Variants in PTPRG observed in about 807,000 individuals in gnomAD.
PTPRG encodes receptor-type tyrosine-protein phosphatase gamma.
Under a neutral mutation model 165.3 loss-of-function variants are expected in PTPRG, and 102 were observed. The observed-to-expected ratio is 0.62, with a 90% confidence interval of 0.53 to 0.73. PTPRG has a LOEUF of 0.73. Among genes scored for constraint, PTPRG ranks in the 30% least tolerant of loss-of-function variants. The probability of loss-of-function intolerance (pLI) is 0.00; values close to 1 mark genes in which losing one functional copy is unlikely to be tolerated. For missense variants in PTPRG, 1,866 were observed against 1,861.4 expected, an observed-to-expected ratio of 1.00 and a Z score of -0.05; for synonymous variants, 675 against 669.5, an observed-to-expected ratio of 1.01 and a Z score of -0.13.
At chr3:62,026,260 C>G (rs2041801105) in intron 4 of PTPRG, among the ~76,000 whole-genome samples, 1 of 152,206 alleles carries the variant, frequency 6.6e-6, no homozygotes, top group Non-Finnish European at 1.5e-5. Flanking sequence ...TTACAGAGGT[C>G]TTAGAAACTT....
intron 4 of PTPRG, among the ~76,000 whole-genome samples, chr3:62,009,182 A>G (rs1246112936): frequency 6.6e-6 from 1 of 152,320 alleles, no homozygotes; most frequent in Admixed American, 6.5e-5. Flanking sequence ...TATGGGTCTC[A>G]TGCCTATTGA....
chr3:61,924,543 C>T (rs189638834), intron 2 of PTPRG, among the ~76,000 whole-genome samples: 253 of 152,308 alleles, frequency 1.7e-3, no homozygotes, highest in Non-Finnish European at 2.5e-3. Context: ...TCAGCATCTC[C>T]CACGTGCTGT....
chr3:62,221,800 G>T (rs1051421973), intron 13 of PTPRG, among the ~76,000 whole-genome samples: 1 of 152,186 alleles, frequency 6.6e-6, no homozygotes, highest in Non-Finnish European at 1.5e-5. Context: ...TGATTTTTGA[G>T]TGTGTTTTCT....
chr3:61,581,812 G>A (rs979315357), intron 1 of PTPRG, among the ~76,000 whole-genome samples: 6 of 151,840 alleles, frequency 4.0e-5, no homozygotes, highest in Non-Finnish European at 8.8e-5. Flanking sequence ...ATTCCACCAC[G>A]TTGGCCAGGC....
chr3:61,886,843 T>C (rs1190988349), intron 2 of PTPRG, among the ~76,000 whole-genome samples: 2 of 152,060 alleles, frequency 1.3e-5, no homozygotes, highest in African/African-American at 4.8e-5. Flanking sequence ...TGATTACATG[T>C]TTGCTTCATA....
intron 5 of PTPRG, among the ~76,000 whole-genome samples, chr3:62,102,327 T>G (rs1040330310): frequency 6.6e-6 from 1 of 152,134 alleles, no homozygotes; most frequent in African/African-American, 2.4e-5. Context: ...CAGGCTGGAG[T>G]GCAGTGGCGC....
At chr3:61,572,573 C>T (rs1233043327) in intron 1 of PTPRG, among the ~76,000 whole-genome samples, 1 of 152,084 alleles carries the variant, frequency 6.6e-6, no homozygotes, top group Non-Finnish European at 1.5e-5. Context: ...AGTCATTTTG[C>T]ATTCATGCCA....
At chr3:61,765,613 C>G (rs1247501753) in intron 2 of PTPRG, among the ~76,000 whole-genome samples, 1 of 152,068 alleles carries the variant, frequency 6.6e-6, no homozygotes, top group Non-Finnish European at 1.5e-5. Flanking sequence ...CTTAAATGAT[C>G]ACTTTTCACT....
Position 62,273,942 on chromosome 3 carries a change from G to C in PTPRG, c.3465+98G>C. The C allele has an allele frequency of 8.4e-7, 1 of 1,186,924 alleles. No individual in the cohort carries two copies. The highest frequency in any genetic ancestry group is 1.2e-6 in the Non-Finnish European group (1 of 833,260). 73.5% of individuals were successfully genotyped at this position (1,186,924 alleles called of 1,614,324 possible). On this transcript the variant is annotated intron_variant, in intron 23 of 29. Coordinates refer to ENST00000474889, the MANE Select transcript of PTPRG (RefSeq NM_002841.4). The surrounding 1 kb of genome is among the most constrained non-coding windows in gnomAD (Gnocchi z 4.1). ...TCTTCTTTGCATTAATGTATACACC[G>C]AAATGGATTACTATTTGTACTCCTT...
At chr3:62,086,718 A>G (rs1701764856) in intron 5 of PTPRG, among the ~76,000 whole-genome samples, 1 of 152,208 alleles carries the variant, frequency 6.6e-6, no homozygotes, top group Non-Finnish European at 1.5e-5. Context: ...TAAAATACAT[A>G]TGTTCCAATT....
intron 2 of PTPRG, among the ~76,000 whole-genome samples, chr3:61,766,215 A>G (rs17065329): frequency 0.015 from 2,294 of 152,290 alleles, 61 homozygotes; most frequent in African/African-American, 0.052. Context: ...TGAGCTGTGA[A>G]TGTTATTCCA....
At chr3:62,260,222 C>T (rs377707548) in intron 16 of PTPRG, among the ~76,000 whole-genome samples, 1 of 152,178 alleles carries the variant, frequency 6.6e-6, no homozygotes, top group East Asian at 1.9e-4. Flanking sequence ...AAGAATGTTA[C>T]CCCTACTTGG....
chr3:61,700,563 A>G (rs1190967883), intron 1 of PTPRG, among the ~76,000 whole-genome samples: 1 of 152,172 alleles, frequency 6.6e-6, no homozygotes, highest in Non-Finnish European at 1.5e-5. Context: ...TTTCTGTTTA[A>G]TTTACCTCTT....
rs776346428 is a variant in PTPRG at position 62,191,592 on chromosome 3, G to T, written c.1157G>T (p.Ser386Ile). ...ATCATGAACTACATGATCTCCTACAGCTGGACCAAGAATGAGGACGAGAAG... is the reference window on the plus strand; with the variant it reads ...ATCATGAACTACATGATCTCCTACATCTGGACCAAGAATGAGGACGAGAAG... ...PPIMNYMISY[S>I]WTKNEDEKEK... Residue 386 changes from serine to isoleucine, a missense_variant, in exon 9 of 30, where the codon AGC becomes ATC. This residue lies in a region of PTPRG where 1,452 missense variants were observed against 1,463.0 expected (regional missense o/e 0.99). Transcript: ENST00000474889. The T allele has an allele frequency of 6.8e-6, 11 of 1,614,054 alleles. No homozygotes were observed. The East Asian group carries it at 2.5e-4, about 36-fold the overall frequency.
intron 2 of PTPRG, among the ~76,000 whole-genome samples, chr3:61,877,923 A>T (rs1178394217): frequency 6.6e-6 from 1 of 152,200 alleles, no homozygotes; most frequent in Admixed American, 6.5e-5. Context: ...TGTCCCTATC[A>T]TTCTTTGAGT....
intron 28 of PTPRG, among the ~76,000 whole-genome samples, chr3:62,290,452 T>G (rs1702840460): frequency 6.6e-6 from 1 of 152,162 alleles, no homozygotes; most frequent in Non-Finnish European, 1.5e-5. Flanking sequence ...GAAAATTATA[T>G]GTTTGAATCA....
At chr3:62,054,870 C>T (rs780746326) in intron 4 of PTPRG, among the ~76,000 whole-genome samples, 6 of 152,164 alleles carry the variant, frequency 3.9e-5, no homozygotes, top group Non-Finnish European at 7.4e-5. Flanking sequence ...AGTTCATGGA[C>T]GAGGTATAAA....
chr3:61,721,756 C>T (rs541063131), intron 1 of PTPRG, among the ~76,000 whole-genome samples: 81 of 152,080 alleles, frequency 5.3e-4, no homozygotes, highest in African/African-American at 1.8e-3. Flanking sequence ...GGGATGCTCT[C>T]GGTTCAAGTA....
chr3:61,752,180 T>G (rs563703038), intron 2 of PTPRG, among the ~76,000 whole-genome samples: 10 of 152,254 alleles, frequency 6.6e-5, no homozygotes, highest in African/African-American at 2.4e-4. Context: ...CAAGTTAGAT[T>G]CTCTCAGCCA....
Sources: allele counts gnomAD v4.1 joint callset (sites outside exome capture counted in the v4.1 genomes callset), GRCh38; gene constraint gnomAD v4.1.1; regional missense constraint gnomAD v4.1.1; non-coding constraint Gnocchi (gnomAD v3.1); transcripts MANE v1.5; gene names NCBI Gene and HGNC (gene_info 2026-07-23, HGNC 2026-07-21).